Variants in PLCH1 observed in about 807,000 individuals in gnomAD.
The protein encoded by PLCH1 is phospholipase C eta 1, also known as 1-phosphatidylinositol 4,5-bisphosphate phosphodiesterase eta-1.
A neutral mutation model predicts 126.7 loss-of-function variants in PLCH1; 60 were observed. The observed-to-expected ratio is 0.47, with a 90% CI of 0.38 to 0.59. The LOEUF is 0.59. Ranked by LOEUF, PLCH1 falls within the 20% of genes least tolerant of loss-of-function variation. PLCH1 has a pLI of 0.00. For synonymous variants in PLCH1, 719 were observed against 734.9 expected (o/e 0.98, Z 0.35); for missense variants, 1,723 against 2,040.0 (o/e 0.84, Z 2.99).
At position 155,481,789 on chromosome 3, in the gene PLCH1, A is replaced by C. The variant is rs752171995; in HGVS notation, c.4237T>G (p.Phe1413Val). ...GTTTTGACATCTTGAATATTGTTGAATATTTCAGGGACAGAAGGGCGGAGG... is the reference window on the plus strand; with the variant it reads ...GTTTTGACATCTTGAATATTGTTGACTATTTCAGGGACAGAAGGGCGGAGG... ...ETLRPSVPEIFNNIQDVKTQS... is the reference protein window; with the variant it reads ...ETLRPSVPEIVNNIQDVKTQS... The change falls in exon 23 of 23, where the codon TTC becomes GTC. Residue 1413 changes from phenylalanine to valine, a missense_variant. By Grantham distance (50) the Phe-to-Val change is conservative. Around this residue, in one of 2 missense-constraint regions of PLCH1, gnomAD observed 947 missense variants for 977.1 expected, o/e 0.97. Coordinates refer to ENST00000460012, the MANE Select transcript of PLCH1 (RefSeq NM_014996.4). The surrounding 1 kb of genome is among the most constrained non-coding windows in gnomAD (Gnocchi z 4.2). The C allele has an allele frequency of 3.7e-6, 6 of 1,614,074 alleles. No individual in the cohort carries two copies. Among genetic ancestry groups the C allele is most frequent in the East Asian group, 4.5e-5 (2 of 44,900 alleles).
chr3:155,524,653 A>G lies in PLCH1; in HGVS notation c.1363-649T>C, dbSNP rs1175514087. 2.0e-5 allele frequency among the ~76,000 whole-genome samples: 3 copies of G among 152,308 alleles called. No homozygotes were observed. In the East Asian group the frequency reaches 5.8e-4, roughly 29 times the overall value. ...AAAAAGGGAAGTCTTATTACTTTCA[A>G]TTAAGTAGAATTAATTAGAGATACT... On this transcript the variant is annotated intron_variant, in intron 10 of 22. Transcript: ENST00000460012.
At chr3:155,701,451 C>G (rs1423223612) in intron 2 of PLCH1, among the ~76,000 whole-genome samples, 1 of 152,174 alleles carries the variant, frequency 6.6e-6, no homozygotes, top group African/African-American at 2.4e-5. Flanking sequence ...GAAAGAGACC[C>G]TGGCTGGCAT....
chr3:155,617,297 C>T (rs1735905008), intron 2 of PLCH1, among the ~76,000 whole-genome samples: 1 of 152,046 alleles, frequency 6.6e-6, no homozygotes, highest in African/African-American at 2.4e-5. Flanking sequence ...CCTCTGATAA[C>T]TTTGGTGACT....
chr3:155,570,113 C>T (rs1240826323), intron 6 of PLCH1, among the ~76,000 whole-genome samples: 4 of 152,094 alleles, frequency 2.6e-5, no homozygotes, highest in Non-Finnish European at 2.9e-5. Context: ...TTGCAAAATA[C>T]AGTAAAACCC....
At chr3:155,613,566 A>G (rs1735413712) in intron 2 of PLCH1, among the ~76,000 whole-genome samples, 1 of 152,216 alleles carries the variant, frequency 6.6e-6, no homozygotes, top group African/African-American at 2.4e-5. Flanking sequence ...TGATCATCTC[A>G]ACAGACACAG....
intron 2 of PLCH1, among the ~76,000 whole-genome samples, chr3:155,626,912 C>G (rs909054076): frequency 1.3e-5 from 2 of 151,406 alleles, no homozygotes; most frequent in Admixed American, 6.6e-5. Context: ...GTTTAATATC[C>G]CATTACATAA....
intron 2 of PLCH1, among the ~76,000 whole-genome samples, chr3:155,694,302 T>C (rs945813063): frequency 1.3e-5 from 2 of 152,218 alleles, no homozygotes; most frequent in East Asian, 1.9e-4. Flanking sequence ...GCCTCTGAGC[T>C]GGGACCCAGG....
intron 2 of PLCH1, among the ~76,000 whole-genome samples, chr3:155,604,963 G>A (rs1046107981): frequency 6.6e-6 from 1 of 152,174 alleles, no homozygotes; most frequent in Non-Finnish European, 1.5e-5. Context: ...CTCTGAATTT[G>A]TCTCTCTTTG....
chr3:155,486,209 G>T, intron 21 of PLCH1: 1 of 1,538,292 alleles, frequency 6.5e-7, no homozygotes, highest in Non-Finnish European at 8.8e-7. Context: ...GGGCTCCACT[G>T]TAAAGGAAAA....
At chr3:155,612,435 G>A (rs540499433) in intron 2 of PLCH1, among the ~76,000 whole-genome samples, 1 of 151,398 alleles carries the variant, frequency 6.6e-6, no homozygotes, top group Non-Finnish European at 1.5e-5. Context: ...CAAGGAACTT[G>A]AGAAACAAGA....
chr3:155,619,397 C>A (rs938692357), intron 2 of PLCH1, among the ~76,000 whole-genome samples: 1 of 150,406 alleles, frequency 6.6e-6, no homozygotes, highest in South Asian at 2.1e-4. Flanking sequence ...CATACTCCAA[C>A]AAATTCATAT....
chr3:155,568,806 T>C (rs562486530), intron 6 of PLCH1, among the ~76,000 whole-genome samples: 1 of 140,374 alleles, frequency 7.1e-6, no homozygotes, highest in East Asian at 2.0e-4. Context: ...AACCATCCAC[T>C]GAGCAGAGCA....
At chr3:155,653,109 A>ATAGATG (rs1340814071) in intron 2 of PLCH1, among the ~76,000 whole-genome samples, 15 of 150,650 alleles carry the variant, frequency 1.0e-4, no homozygotes, top group Non-Finnish European at 1.5e-5. Context: ...AGATACAGAT[A>ATAGATG]TAGATGTAGA....
chr3:155,564,906 T>G lies in PLCH1; in HGVS notation c.1069+9A>C. The G allele has an allele frequency of 2.5e-6, 4 of 1,603,700 alleles. No individual in the cohort carries two copies. Among genetic ancestry groups the G allele is most frequent in the Non-Finnish European group, 3.4e-6 (4 of 1,171,226 alleles). ...CATACACACCGGAGCTCAGAAAAAGTGCACGTACCTTCCACACAGCGACAG... is the reference window on the plus strand; with the variant it reads ...CATACACACCGGAGCTCAGAAAAAGGGCACGTACCTTCCACACAGCGACAG... On this transcript the variant is annotated intron_variant, in intron 8 of 22. Coordinates refer to ENST00000460012, the MANE Select transcript of PLCH1 (RefSeq NM_014996.4).
At position 155,564,911 on chromosome 3, in the gene PLCH1, G is replaced by A. The variant is rs371388946; in HGVS notation, c.1069+4C>T. On this transcript the variant is annotated splice_donor_region_variant and intron_variant, in intron 8 of 22. Coordinates refer to ENST00000460012, the MANE Select transcript of PLCH1 (RefSeq NM_014996.4). ...ACACCGGAGCTCAGAAAAAGTGCAC[G>A]TACCTTCCACACAGCGACAGCCCTC... 31 of 1,607,714 alleles carry A rather than the reference G, an allele frequency of 1.9e-5. No homozygotes were observed. The African/African-American group carries it at 2.0e-4, about 10-fold the overall frequency.
At chr3:155,521,171 G>A (rs866539015) in intron 11 of PLCH1, among the ~76,000 whole-genome samples, 2 of 152,152 alleles carry the variant, frequency 1.3e-5, no homozygotes, top group Non-Finnish European at 2.9e-5. Context: ...ACATGCATAA[G>A]TGTGCACACA....
chr3:155,566,263 A>G lies in PLCH1; in HGVS notation c.866-1145T>C, dbSNP rs201333811. 1.4e-3 allele frequency among the ~76,000 whole-genome samples: 50 copies of G among 36,210 alleles called. 4 individuals carry two copies. Among genetic ancestry groups the G allele is most frequent in the Admixed American group, 4.6e-3 (10 of 2,184 alleles). 23.8% of individuals were successfully genotyped at this position (36,210 alleles called of 152,430 possible). A position where few individuals can be genotyped will look rare whatever the true frequency, so the allele number is the denominator to read the frequency against. On this transcript the variant is annotated intron_variant, in intron 7 of 22. Transcript: ENST00000460012. ...TACATATATATACGTATATATACACATATATATACATATATACATATATAT... is the reference window on the plus strand; with the variant it reads ...TACATATATATACGTATATATACACGTATATATACATATATACATATATAT...
chr3:155,550,604 A>T (rs1377732744), intron 9 of PLCH1, among the ~76,000 whole-genome samples: 1 of 152,224 alleles, frequency 6.6e-6, no homozygotes, highest in Non-Finnish European at 1.5e-5. Flanking sequence ...CCATGTAAAT[A>T]ATTACCTAAA....
intron 2 of PLCH1, chr3:155,658,217 C>A: frequency 4.9e-6 from 1 of 205,180 alleles, no homozygotes; most frequent in South Asian, 9.6e-5. Context: ...TGGGACCGTT[C>A]TGATCATCCT....
Sources: allele counts gnomAD v4.1 joint callset (sites outside exome capture counted in the v4.1 genomes callset), GRCh38; gene constraint gnomAD v4.1.1; regional missense constraint gnomAD v4.1.1; non-coding constraint Gnocchi (gnomAD v3.1); transcripts MANE v1.5; gene names NCBI Gene and HGNC (gene_info 2026-07-23, HGNC 2026-07-21).